The following PLCB4 variants were observed in gnomAD, a reference collection of about 807,000 sequenced individuals.
PLCB4 encodes the protein phospholipase C beta 4, also known as 1-phosphatidylinositol 4,5-bisphosphate phosphodiesterase beta-4.
Under a neutral mutation model 178.8 loss-of-function variants are expected in PLCB4, and 77 were observed. The ratio of observed to expected loss-of-function variants is 0.43; its 90% CI spans 0.36 to 0.52. The LOEUF (loss-of-function observed/expected upper bound fraction) is 0.52. Ranked by LOEUF, PLCB4 falls within the 20% of genes least tolerant of loss-of-function variation. The pLI is 0.00. For missense variants in PLCB4, 1,024 were observed against 1,453.4 expected (o/e 0.70, Z 4.80); for synonymous variants, 496 against 490.8 (o/e 1.01, Z -0.14).
intron 2 of PLCB4, among the ~76,000 whole-genome samples, chr20:9,125,140 A>G (rs374613107): frequency 1.3e-5 from 2 of 152,180 alleles, no homozygotes; most frequent in East Asian, 3.9e-4. Flanking sequence ...ACCAATGAGA[A>G]CACCGTGATC....
At chr20:9,366,594 G>C (rs991966202) in intron 9 of PLCB4, among the ~76,000 whole-genome samples, 5 of 152,192 alleles carry the variant, frequency 3.3e-5, no homozygotes, top group African/African-American at 1.2e-4. Context: ...GGTACAGTTG[G>C]AAACTCTTTC....
intron 3 of PLCB4, among the ~76,000 whole-genome samples, chr20:9,231,986 T>C (rs1050169590): frequency 5.9e-5 from 9 of 152,148 alleles, no homozygotes; most frequent in Admixed American, 4.6e-4. Flanking sequence ...CAATAGGTCA[T>C]TGATACAAAC....
intron 20 of PLCB4, among the ~76,000 whole-genome samples, chr20:9,403,492 G>A (rs1273195010): frequency 6.6e-6 from 1 of 152,156 alleles, no homozygotes; most frequent in Non-Finnish European, 1.5e-5. Flanking sequence ...ATTTAACAGA[G>A]TTTAGTTGAG....
At chr20:9,375,349 G>A (rs1477245776) in intron 12 of PLCB4, among the ~76,000 whole-genome samples, 1 of 152,146 alleles carries the variant, frequency 6.6e-6, no homozygotes, top group African/African-American at 2.4e-5. Flanking sequence ...GCATTGGAAT[G>A]TAAGGGTCAA....
At chr20:9,285,273 T>C (rs1485185765) in intron 3 of PLCB4, among the ~76,000 whole-genome samples, 1 of 151,936 alleles carries the variant, frequency 6.6e-6, no homozygotes, top group Non-Finnish European at 1.5e-5. Context: ...TATGAACACA[T>C]TTGTTTATTT....
intron 1 of PLCB4, among the ~76,000 whole-genome samples, chr20:9,074,247 G>A (rs2089716963): frequency 6.6e-6 from 1 of 152,172 alleles, no homozygotes; most frequent in Non-Finnish European, 1.5e-5. Flanking sequence ...GCTGCACTGT[G>A]AATGATACAG....
At chr20:9,475,853 A>T (rs2044505434) in intron 38 of PLCB4, among the ~76,000 whole-genome samples, 1 of 152,228 alleles carries the variant, frequency 6.6e-6, no homozygotes, top group Admixed American at 6.5e-5. Flanking sequence ...CTGGAACTAT[A>T]TAGTATAACT....
At chr20:9,073,504 T>A (rs1442298001) in intron 1 of PLCB4, among the ~76,000 whole-genome samples, 1 of 152,182 alleles carries the variant, frequency 6.6e-6, no homozygotes, top group Admixed American at 6.5e-5. Context: ...ACTTCACATA[T>A]CCCTTTAAAG....
At chr20:9,116,225 A>G (rs2091774751) in intron 2 of PLCB4, among the ~76,000 whole-genome samples, 1 of 151,946 alleles carries the variant, frequency 6.6e-6, no homozygotes, top group Admixed American at 6.6e-5. Flanking sequence ...TGCCCAGTTC[A>G]ATTCCCCTCA....
chr20:9,263,950 A>C (rs2094323323), intron 3 of PLCB4, among the ~76,000 whole-genome samples: 1 of 152,214 alleles, frequency 6.6e-6, no homozygotes, highest in African/African-American at 2.4e-5. Context: ...GAGGTTACTT[A>C]TATTCAATCA....
intron 2 of PLCB4, among the ~76,000 whole-genome samples, chr20:9,127,528 G>A (rs2092147230): frequency 6.6e-6 from 1 of 151,784 alleles, no homozygotes; most frequent in Non-Finnish European, 1.5e-5. Flanking sequence ...GTTTTCCTTG[G>A]GCCTCTCTTT....
intron 3 of PLCB4, among the ~76,000 whole-genome samples, chr20:9,247,045 G>T (rs1249433327): frequency 6.6e-6 from 1 of 152,112 alleles, no homozygotes; most frequent in Non-Finnish European, 1.5e-5. Context: ...TTATTTCAAA[G>T]TAGTGATGAC....
chr20:9,292,662 T>C (rs1464600609), intron 3 of PLCB4, among the ~76,000 whole-genome samples: 1 of 152,180 alleles, frequency 6.6e-6, no homozygotes, highest in Non-Finnish European at 1.5e-5. Flanking sequence ...TGGAAACTCA[T>C]TCTACAGGCC....
At chr20:9,294,508 A>T (rs1485015272) in intron 3 of PLCB4, among the ~76,000 whole-genome samples, 3 of 152,090 alleles carry the variant, frequency 2.0e-5, no homozygotes, top group African/African-American at 7.2e-5. Context: ...TTGTCCATGG[A>T]CTTCCTGAGA....
chr20:9,278,259 A>G (rs1230469053), intron 3 of PLCB4, among the ~76,000 whole-genome samples: 1 of 152,080 alleles, frequency 6.6e-6, no homozygotes, highest in Non-Finnish European at 1.5e-5. Flanking sequence ...TCTGTAAATC[A>G]GGAAAGGGTT....
chr20:9,162,062 GT>G (rs201847977), intron 2 of PLCB4, among the ~76,000 whole-genome samples: 5 of 151,856 alleles, frequency 3.3e-5, no homozygotes, highest in South Asian at 2.1e-4. Context: ...AGCATGTTCT[GT>G]TTTTTTTGTC....
At chr20:9,277,429 G>A (rs1002499596) in intron 3 of PLCB4, among the ~76,000 whole-genome samples, 1 of 151,974 alleles carries the variant, frequency 6.6e-6, no homozygotes, top group African/African-American at 2.4e-5. Context: ...TGAGTTCTTA[G>A]AGCCTCAGCT....
chr20:9,339,134 A>G (rs1420190103), intron 7 of PLCB4, 97 bp downstream of exon 7: 4 of 918,102 alleles, frequency 4.4e-6, no homozygotes, highest in Admixed American at 5.3e-5. Context: ...CTTAAATTGT[A>G]TGGTAATTTA....
chr20:9,145,903 T>G (rs1317189652), intron 2 of PLCB4, among the ~76,000 whole-genome samples: 1 of 152,032 alleles, frequency 6.6e-6, no homozygotes, highest in Non-Finnish European at 1.5e-5. Context: ...AACTGATACA[T>G]AAAGGGCAAA....
Sources: gnomAD v4.1 joint callset for allele counts (sites outside exome capture counted in the v4.1 genomes callset) on GRCh38, gnomAD v4.1.1 for gene constraint, MANE v1.5 for transcripts, NCBI Gene and HGNC (gene_info 2026-07-23, HGNC 2026-07-21) for gene names.